The following GRB2 variants were observed in gnomAD, a reference collection of about 807,000 sequenced individuals.
GRB2 encodes the protein growth factor receptor-bound protein 2.
In GRB2, 2 loss-of-function variants were observed where a neutral mutation model predicts 27.4. The ratio of observed to expected loss-of-function variants is 0.07; its 90% CI spans 0.03 to 0.23. The LOEUF (loss-of-function observed/expected upper bound fraction) is 0.23. Among genes scored for constraint, GRB2 ranks in the 10% least tolerant of loss-of-function variants. The pLI, the probability that GRB2 is intolerant of heterozygous loss-of-function variation, is 1.00. For missense variants in GRB2, 102 were observed against 282.4 expected, an observed-to-expected ratio of 0.36 and a Z score of 4.58; for synonymous variants, 94 against 99.6, an observed-to-expected ratio of 0.94 and a Z score of 0.33.
At chr17:75,328,466 C>T (rs2078515412) in intron 3 of GRB2, among the ~76,000 whole-genome samples, 1 of 151,400 alleles carries the variant, frequency 6.6e-6, no homozygotes, top group South Asian at 2.1e-4. Flanking sequence ...CATGGAGAAA[C>T]TCCATCTCTA....
At chr17:75,347,002 C>T (rs532359794) in intron 2 of GRB2, among the ~76,000 whole-genome samples, 6 of 152,228 alleles carry the variant, frequency 3.9e-5, no homozygotes, top group Non-Finnish European at 8.8e-5. Flanking sequence ...TCTCCCAGCT[C>T]CCACCCTGAG....
intron 2 of GRB2, among the ~76,000 whole-genome samples, chr17:75,346,990 ATTCTCCCAGCTCCCACCCTGAGAGTGTC>A: frequency 6.6e-6 from 1 of 152,132 alleles, no homozygotes; most frequent in Admixed American, 6.5e-5. Context: ...CAGGGCATTC[ATTCTCCCAGCTCCCACCCTGAGAGTGTC>A]TGTGGACAGT....
intron 2 of GRB2, among the ~76,000 whole-genome samples, chr17:75,376,640 C>T (rs1329138581): frequency 6.6e-6 from 1 of 152,074 alleles, no homozygotes; most frequent in East Asian, 1.9e-4. Context: ...ATTGTACCAT[C>T]CAATGAAAAG....
intron 1 of GRB2, among the ~76,000 whole-genome samples, chr17:75,399,367 C>CTTTT (rs71161208): frequency 9.3e-6 from 1 of 107,950 alleles, no homozygotes; most frequent in African/African-American, 3.1e-5. Context: ...ACAATCTTTT[C>CTTTT]TTTTTTTTTT....
chr17:75,324,536 G>GT (rs1491497185), intron 4 of GRB2, among the ~76,000 whole-genome samples: 4 of 18,418 alleles, frequency 2.2e-4, no homozygotes, highest in South Asian at 1.6e-3. Flanking sequence ...TTTTTTTTTT[G>GT]GAGACAGAGT....
chr17:75,323,434 C>T (rs2078474299), intron 4 of GRB2, among the ~76,000 whole-genome samples: 1 of 152,144 alleles, frequency 6.6e-6, no homozygotes, highest in African/African-American at 2.4e-5. Flanking sequence ...TCTAAGAGCC[C>T]AGGGCCCCAA....
intron 2 of GRB2, among the ~76,000 whole-genome samples, chr17:75,367,213 C>A (rs530253469): frequency 6.6e-6 from 1 of 152,264 alleles, no homozygotes; most frequent in Non-Finnish European, 1.5e-5. Flanking sequence ...CTCTGTCACC[C>A]AGGCTAAAGT....
intron 2 of GRB2, among the ~76,000 whole-genome samples, chr17:75,374,184 TCA>T: frequency 5.9e-5 from 9 of 151,692 alleles, no homozygotes; most frequent in African/African-American, 1.9e-4. Context: ...GGCAGGCGGA[TCA>T]TCTGAGGTCA....
rs753872721 is a variant in GRB2, at chr17:75,393,587, G to A, written c.42C>T (p.Asp14=). The change falls in exon 2 of 6, where the codon GAC becomes GAT. Residue 14 remains aspartate, a synonymous_variant. Transcript: ENST00000316804. ...CCCCCCTTTTGAAGCTCAGCTCGTCGTCTGCAGTAGCTTTGAAGTCATATT... is the reference window on the plus strand; with the variant it reads ...CCCCCCTTTTGAAGCTCAGCTCGTCATCTGCAGTAGCTTTGAAGTCATATT... ...IAKYDFKATA[D]DELSFKRGDI... is the part of the protein sequence containing the mutation. The A allele has an allele frequency of 2.3e-5, 37 of 1,613,970 alleles. No homozygotes were observed. In the South Asian group the frequency reaches 3.3e-4, roughly 14 times the overall value.
At chr17:75,385,045 A>AGC (rs1168574816) in intron 2 of GRB2, among the ~76,000 whole-genome samples, 969 of 85,308 alleles carry the variant, frequency 0.011, 17 homozygotes, top group South Asian at 0.066. Context: ...AAAAAAAAAA[A>AGC]AAAAAAAAAA....
chr17:75,358,246 G>A (rs1293442495), intron 2 of GRB2, among the ~76,000 whole-genome samples: 1 of 152,042 alleles, frequency 6.6e-6, no homozygotes, highest in Non-Finnish European at 1.5e-5. Context: ...CAAAAATGTG[G>A]CCACAAGCCC....
chr17:75,353,184 CAAA>C (rs71159495), intron 2 of GRB2, among the ~76,000 whole-genome samples: 6 of 124,594 alleles, frequency 4.8e-5, no homozygotes, highest in Admixed American at 8.1e-5. Flanking sequence ...GACTCCGTCT[CAAA>C]AAAAAAAAAA....
Position 75,382,352 on chromosome 17 carries a change from T to G in GRB2, c.78+11199A>C, listed in dbSNP as rs958754068. Among the ~76,000 whole-genome samples, 3 of 152,320 alleles carry G rather than the reference T, an allele frequency of 2.0e-5. No homozygotes were observed. In the South Asian group the frequency reaches 6.2e-4, roughly 32 times the overall value. Reference sequence around the variant, plus strand: ...ACTGTTAAAACGAAGAAAAAAACTTTCACTATGTTACTGCTAATAATTAAT... The same window carrying G: ...ACTGTTAAAACGAAGAAAAAAACTTGCACTATGTTACTGCTAATAATTAAT... On this transcript the variant is annotated intron_variant, in intron 2 of 5. Coordinates refer to ENST00000316804, the MANE Select transcript of GRB2 (RefSeq NM_002086.5).
Position 75,318,160 on chromosome 17 carries a change from G to A in GRB2, c.*2208C>T, listed in dbSNP as rs980656737. The A allele has an allele frequency of 6.6e-6, 1 of 152,504 alleles. No individual in the cohort carries two copies. Among genetic ancestry groups the A allele is most frequent in the African/African-American group, 2.4e-5 (1 of 41,398 alleles). 9.4% of individuals were successfully genotyped at this position (152,504 alleles called of 1,614,324 possible). A position where few individuals can be genotyped will look rare whatever the true frequency, so the allele number is the denominator to read the frequency against. Reference sequence around the variant, plus strand: ...GCAGAGTTAAAGGATTAAGTACATAGGTCTTTATTTAAACACTGATTTTTT... The same window carrying A: ...GCAGAGTTAAAGGATTAAGTACATAAGTCTTTATTTAAACACTGATTTTTT... On this transcript the variant is annotated 3_prime_UTR_variant, in exon 6 of 6. Transcript: ENST00000316804.
At chr17:75,337,901 C>CTACTACTATTATTAT (rs1375563317) in intron 2 of GRB2, among the ~76,000 whole-genome samples, 1 of 117,388 alleles carries the variant, frequency 8.5e-6, no homozygotes, top group African/African-American at 4.1e-5. Flanking sequence ...ACTACTACTA[C>CTACTACTATTATTAT]TATTATTATT....
rs574224833 is a variant in GRB2, at chr17:75,320,191, A to T, written c.*177T>A. On this transcript the variant is annotated 3_prime_UTR_variant, in exon 6 of 6. Coordinates refer to ENST00000316804, the MANE Select transcript of GRB2 (RefSeq NM_002086.5). This position sits in a 1 kb window ranked among gnomAD's most constrained non-coding sequence, Gnocchi z 4.3. The stretch of plus-strand genomic sequence containing the variant: ...TTTATAGGTAAGTTTTGGCATTTTT[A>T]AATCCAACGCCCCCTCCCACCCCCT... 17 of 560,914 alleles carry T rather than the reference A, an allele frequency of 3.0e-5. No homozygotes were observed. The highest frequency in any genetic ancestry group is 1.3e-4 in the South Asian group (5 of 38,930). 34.7% of individuals were successfully genotyped at this position (560,914 alleles called of 1,614,324 possible).
intron 2 of GRB2, among the ~76,000 whole-genome samples, chr17:75,352,020 T>C (rs1598232297): frequency 6.6e-6 from 1 of 152,324 alleles, no homozygotes; most frequent in East Asian, 1.9e-4. Context: ...AAAAACCTTT[T>C]CCTAAGCATC....
chr17:75,372,548 A>G (rs1282065274), intron 2 of GRB2: 1 of 152,228 alleles, frequency 6.6e-6, no homozygotes, highest in Non-Finnish European at 1.5e-5. Context: ...AGCACAAAAT[A>G]CTTCAAGCAC....
In GRB2 at chr17:75,344,122, C is replaced by G. The variant is rs1454176840; in HGVS notation, c.79-11325G>C. ...ACATCTGACTTCCAAACACCAAAGACGATGACTTAACTCCAGGTTAGGGGG... is the reference window on the plus strand; with the variant it reads ...ACATCTGACTTCCAAACACCAAAGAGGATGACTTAACTCCAGGTTAGGGGG... On this transcript the variant is annotated intron_variant, in intron 2 of 5. Transcript: ENST00000316804. Among the ~76,000 whole-genome samples the G allele has an allele frequency of 3.9e-5, 6 of 152,190 alleles. No homozygotes were observed. The South Asian group carries it at 8.3e-4, about 21-fold the overall frequency.
Sources: allele counts gnomAD v4.1 joint callset (sites outside exome capture counted in the v4.1 genomes callset), GRCh38; gene constraint gnomAD v4.1.1; non-coding constraint Gnocchi (gnomAD v3.1); transcripts MANE v1.5; gene names NCBI Gene and HGNC (gene_info 2026-07-23, HGNC 2026-07-21).